Variants in CSMD1 observed in about 807,000 individuals in gnomAD.
The protein encoded by CSMD1 is CUB and sushi domain-containing protein 1.
A neutral mutation model predicts 417.5 loss-of-function variants in CSMD1; 213 were observed. The observed-to-expected ratio is 0.51, with a 90% CI of 0.46 to 0.57. CSMD1 has a LOEUF of 0.57. Among genes scored for constraint, CSMD1 ranks in the 20% least tolerant of loss-of-function variants. The pLI is 0.00. For synonymous variants in CSMD1, 2,862 were observed against 1,736.8 expected (o/e 1.65, Z -16.11); for missense variants, 6,923 against 4,529.7 (o/e 1.53, Z -15.17).
intron 1 of CSMD1, among the ~76,000 whole-genome samples, chr8:4,774,353 T>A (rs1022571531): frequency 6.6e-6 from 1 of 152,190 alleles, no homozygotes; most frequent in Non-Finnish European, 1.5e-5. Context: ...AGGAAATCCA[T>A]GAGTAAGATC....
At chr8:3,947,512 G>C (rs1811313133) in intron 5 of CSMD1, among the ~76,000 whole-genome samples, 2 of 152,048 alleles carry the variant, frequency 1.3e-5, no homozygotes, top group Non-Finnish European at 2.9e-5. Context: ...TTCATATTTG[G>C]AAATTAAACA....
intron 12 of CSMD1, 66 bp from the exon 13 acceptor site, chr8:3,409,671 C>G: frequency 7.7e-7 from 1 of 1,295,186 alleles, no homozygotes; most frequent in Non-Finnish European, 1.0e-6. Context: ...ATCTCTACAA[C>G]TTAGAAAGTA....
At chr8:4,708,218 G>C (rs929610834) in intron 1 of CSMD1, among the ~76,000 whole-genome samples, 2 of 152,146 alleles carry the variant, frequency 1.3e-5, no homozygotes, top group African/African-American at 4.8e-5. Context: ...CTAAAGTGCT[G>C]AGATTACAGG....
At chr8:4,838,050 TG>T (rs1274488748) in intron 1 of CSMD1, among the ~76,000 whole-genome samples, 2 of 152,158 alleles carry the variant, frequency 1.3e-5, no homozygotes, top group African/African-American at 4.8e-5. Context: ...GCAGTGTGAA[TG>T]GGTGACCAGG....
At chr8:4,275,246 A>G (rs182457906) in intron 3 of CSMD1, among the ~76,000 whole-genome samples, 31 of 152,274 alleles carry the variant, frequency 2.0e-4, no homozygotes, top group Admixed American at 6.5e-4. Context: ...ACAAATAAAT[A>G]TGGGCGAAAT....
intron 3 of CSMD1, among the ~76,000 whole-genome samples, chr8:4,376,614 A>T (rs1802760900): frequency 6.6e-6 from 1 of 152,148 alleles, no homozygotes; most frequent in African/African-American, 2.4e-5. Flanking sequence ...TTAGGGGGGA[A>T]TTAAATAATA....
intron 2 of CSMD1, among the ~76,000 whole-genome samples, chr8:4,525,578 T>C (rs1796471706): frequency 6.6e-6 from 1 of 152,220 alleles, no homozygotes. Context: ...TAAGAAATTG[T>C]AATTATCTGG....
At chr8:4,490,228 G>C (rs1016347028) in intron 2 of CSMD1, among the ~76,000 whole-genome samples, 2 of 151,962 alleles carry the variant, frequency 1.3e-5, no homozygotes, top group African/African-American at 4.8e-5. Context: ...TCTTAGTAGA[G>C]ACAGGGTTTC....
intron 1 of CSMD1, among the ~76,000 whole-genome samples, chr8:4,905,831 AAAAGAAAAAAAG>A (rs1441277269): frequency 1.8e-4 from 26 of 142,234 alleles, no homozygotes; most frequent in African/African-American, 7.2e-4. Context: ...AAAAAAAAAA[AAAAGAAAAAAAG>A]AAAAAGTAAA....
chr8:4,106,617 C>T (rs1484990103), intron 3 of CSMD1, among the ~76,000 whole-genome samples: 1 of 152,074 alleles, frequency 6.6e-6, no homozygotes, highest in Non-Finnish European at 1.5e-5. Context: ...ATTTTATTCA[C>T]CAAAATATAT....
At chr8:4,054,129 C>T (rs544386397) in intron 3 of CSMD1, among the ~76,000 whole-genome samples, 9 of 152,138 alleles carry the variant, frequency 5.9e-5, no homozygotes, top group Non-Finnish European at 1.3e-4. Context: ...CCATTCTCCA[C>T]TTTTTTCTAT....
intron 4 of CSMD1, among the ~76,000 whole-genome samples, chr8:4,012,970 G>A (rs991118801): frequency 2.0e-5 from 3 of 152,066 alleles, no homozygotes; most frequent in East Asian, 1.9e-4. Flanking sequence ...CTCTGCTCCT[G>A]TCATCTCTCA....
chr8:3,728,984 A>G (rs1802657172), intron 6 of CSMD1, among the ~76,000 whole-genome samples: 1 of 152,200 alleles, frequency 6.6e-6, no homozygotes, highest in Non-Finnish European at 1.5e-5. Context: ...CTGAGGTGGT[A>G]GAGTGTGATG....
chr8:3,974,995 G>A (rs1045472612), intron 5 of CSMD1, among the ~76,000 whole-genome samples: 26 of 152,252 alleles, frequency 1.7e-4, no homozygotes, highest in African/African-American at 6.0e-4. Flanking sequence ...GAATGCTTGA[G>A]TTCTTTGCAG....
intron 5 of CSMD1, among the ~76,000 whole-genome samples, chr8:3,901,037 T>A (rs924606621): frequency 3.9e-5 from 6 of 152,234 alleles, no homozygotes; most frequent in African/African-American, 1.4e-4. Flanking sequence ...ACTTTGGTAA[T>A]AAGATGGCTT....
chr8:4,255,409 A>T (rs936530268), intron 3 of CSMD1, among the ~76,000 whole-genome samples: 2 of 152,242 alleles, frequency 1.3e-5, no homozygotes, highest in Non-Finnish European at 2.9e-5. Flanking sequence ...CGCAATATGC[A>T]AACAGTAAAA....
intron 12 of CSMD1, among the ~76,000 whole-genome samples, chr8:3,457,517 G>C (rs1422418679): frequency 1.3e-5 from 2 of 152,168 alleles, no homozygotes. Flanking sequence ...CATCAAAACC[G>C]CATGCCACGC....
intron 68 of CSMD1, among the ~76,000 whole-genome samples, chr8:2,942,918 G>A (rs1172463593): frequency 1.3e-5 from 2 of 152,144 alleles, no homozygotes; most frequent in African/African-American, 4.8e-5. Context: ...AAAACTAACT[G>A]AAAACATTTA....
intron 3 of CSMD1, among the ~76,000 whole-genome samples, chr8:4,209,446 G>A (rs1021615282): frequency 5.3e-5 from 8 of 152,184 alleles, no homozygotes; most frequent in East Asian, 3.9e-4. Context: ...ATCAAGCCAA[G>A]TGAGGACATT....
Sources: allele counts gnomAD v4.1 joint callset (sites outside exome capture counted in the v4.1 genomes callset), GRCh38; gene constraint gnomAD v4.1.1; transcripts MANE v1.5; gene names NCBI Gene and HGNC (gene_info 2026-07-23, HGNC 2026-07-21).